The following LYSMD4 variants were observed in gnomAD, a reference collection of about 807,000 sequenced individuals.
The protein encoded by LYSMD4 is lysM and putative peptidoglycan-binding domain-containing protein 4.
In LYSMD4, 9 loss-of-function variants were observed where a neutral mutation model predicts 6.1. The ratio of observed to expected loss-of-function variants is 1.47; its 90% CI spans 0.88 to 2.56. The LOEUF (loss-of-function observed/expected upper bound fraction) is 2.56. Ranked by LOEUF, LYSMD4 falls within the 30% of genes most tolerant of loss-of-function variation. LYSMD4 has a pLI of 0.00. For missense variants in LYSMD4, 384 were observed against 373.5 expected (o/e 1.03, Z -0.23); for synonymous variants, 143 against 148.5 (o/e 0.96, Z 0.27).
upstream of LYSMD4, among the ~76,000 whole-genome samples, chr15:99,721,463 C>G (rs1470498481): frequency 6.6e-6 from 1 of 152,242 alleles, no homozygotes; most frequent in Admixed American, 6.5e-5. Flanking sequence ...TGGCACTTGA[C>G]AGGGGGAATG....
intron 1 of LYSMD4, among the ~76,000 whole-genome samples, chr15:99,732,585 A>G (rs2059445189): frequency 6.6e-6 from 1 of 152,234 alleles, no homozygotes; most frequent in African/African-American, 2.4e-5. Context: ...AAAAGCGTCC[A>G]GTTTGCTCAC....
rs1282278556 is a variant in LYSMD4, at chr15:99,729,117, C to G, written c.*6G>C. ...TAAAGCTGGGCCTAGTCTTTAAAAA[C>G]AAAGCTTAGCTCCCCGCTTGGGTGG... On this transcript the variant is annotated 3_prime_UTR_variant, in exon 3 of 3. Coordinates refer to ENST00000684762, the MANE Select transcript of LYSMD4 (RefSeq NM_001284417.2). The G allele has an allele frequency of 1.9e-6, 3 of 1,609,634 alleles. No individual in the cohort carries two copies. Among genetic ancestry groups the G allele is most frequent in the Non-Finnish European group, 2.6e-6 (3 of 1,176,218 alleles).
At position 99,731,744 on chromosome 15, in the gene LYSMD4, T is replaced by C. The variant is rs2059419539; in HGVS notation, c.256A>G (p.Lys86Glu). ...TTGCAGCCATACTGCAGCGCCAGCT[T>C]GTTGAGGCTGTCCTCCTGGGCCAGC... ...RELAQEDSLN[K>E]LALQYGCKVA... The change falls in exon 2 of 3, where the codon AAG becomes GAG. Residue 86 changes from lysine (K) to glutamate (E), a missense_variant. Physicochemically the swap from Lys to Glu is moderately conservative, Grantham distance 56 (BLOSUM62 1). Coordinates refer to ENST00000684762, the MANE Select transcript of LYSMD4 (RefSeq NM_001284417.2). 6.2e-7 allele frequency: 1 copy of C among 1,605,046 alleles called. No homozygotes were observed. The highest frequency in any genetic ancestry group is 1.3e-5 in the African/African-American group (1 of 74,754).
At chr15:99,730,953 C>T (rs1045374157) in intron 2 of LYSMD4, among the ~76,000 whole-genome samples, 2 of 152,190 alleles carry the variant, frequency 1.3e-5, no homozygotes, top group Non-Finnish European at 2.9e-5. Flanking sequence ...CGGAGACCAA[C>T]CTGTTTATTT....
At chr15:99,731,616 G>A (rs8032484) in intron 2 of LYSMD4, 102 bp downstream of exon 2, 175,363 of 1,521,414 alleles carry the variant, frequency 0.12, 10,613 homozygotes, top group Admixed American at 0.18. Flanking sequence ...CTCTCCTGAC[G>A]GCCTGGCAGG....
At chr15:99,722,327 G>A (rs533385559), upstream of LYSMD4, among the ~76,000 whole-genome samples, 3 of 152,202 alleles carry the variant, frequency 2.0e-5, no homozygotes, top group East Asian at 1.9e-4. Flanking sequence ...GAGCAGGGCC[G>A]AATGAGTGCT....
intron 1 of LYSMD4, chr15:99,733,008 C>T (rs1280494159): frequency 1.3e-5 from 3 of 227,560 alleles, no homozygotes; most frequent in South Asian, 1.8e-4. Context: ...AGCTCCAGGC[C>T]CGCTTCCCTC....
chr15:99,721,521 G>C (rs537326149), upstream of LYSMD4, among the ~76,000 whole-genome samples: 1 of 152,330 alleles, frequency 6.6e-6, no homozygotes, highest in South Asian at 2.1e-4. Context: ...CAGAGCAGCT[G>C]TTTCACAGTG....
intron 1 of LYSMD4, among the ~76,000 whole-genome samples, chr15:99,732,724 A>C (rs2059448450): frequency 6.6e-6 from 1 of 152,248 alleles, no homozygotes; most frequent in South Asian, 2.1e-4. Context: ...ACGAAATCTC[A>C]AACACGCGGG....
chr15:99,731,877 T>G lies in LYSMD4; in HGVS notation c.123A>C (p.Glu41Asp). The change falls in exon 2 of 3, where the codon GAA becomes GAC. Residue 41 changes from glutamate (E) to aspartate (D), a missense_variant. Glu to Asp is a conservative substitution (Grantham distance 45). Transcript: ENST00000684762. ...GCCGCAAAACCACACGGTGAGACTC[T>G]TCTTCAGAAGAGTCCCCCGAGTCCC... ...GSGDSGDSSE[E>D]ESHRVVLRPR... 1.2e-6 allele frequency: 2 copies of G among 1,613,594 alleles called. No individual in the cohort carries two copies. Among genetic ancestry groups the G allele is most frequent in the Non-Finnish European group, 1.7e-6 (2 of 1,180,014 alleles).
At chr15:99,726,168 TC>T (rs1555507908), downstream of LYSMD4, among the ~76,000 whole-genome samples, 6 of 146,144 alleles carry the variant, frequency 4.1e-5, no homozygotes, top group Admixed American at 6.9e-5. Context: ...TTTTTTTTTT[TC>T]CCGCCTGAGT....
exon 1 of LYSMD4, chr15:99,716,403 C>T (rs1168529714): frequency 2.5e-6 from 1 of 408,100 alleles, no homozygotes. Context: ...AACTTTTTAT[C>T]AAATGGTGAA....
downstream of LYSMD4, among the ~76,000 whole-genome samples, chr15:99,726,744 T>G (rs2059286573): frequency 6.6e-6 from 1 of 152,152 alleles, no homozygotes. Context: ...CCAAAAAGAC[T>G]GGAGACTAGA....
chr15:99,716,086 G>T (rs2059126965), exon 1 of LYSMD4: 1 of 157,316 alleles, frequency 6.4e-6, no homozygotes, highest in Admixed American at 6.2e-5. Flanking sequence ...ATTAGAATGT[G>T]AAAAAGATTT....
rs1343367213 is a variant in LYSMD4 at position 99,729,748 on chromosome 15, A to G, written c.283-17T>C. On this transcript the variant is annotated splice_polypyrimidine_tract_variant and intron_variant, in intron 2 of 2. Transcript: ENST00000684762. The stretch of plus-strand genomic sequence containing the variant: ...ATCTGCAACCTAGGAAGGCACGAAG[A>G]TAAACATCATAAAATATGCGGAGCT... 6 of 1,581,582 alleles carry G rather than the reference A, an allele frequency of 3.8e-6. No individual in the cohort carries two copies. Among genetic ancestry groups the G allele is most frequent in the Non-Finnish European group, 5.1e-6 (6 of 1,168,986 alleles).
chr15:99,729,719 T>C lies in LYSMD4; in HGVS notation c.295A>G (p.Lys99Glu). ...TCTCTGATGAAGTTGTTGACTTTCT[T>C]GATATCTGCAACCTAGGAAGGCACG... is the stretch of plus-strand genomic sequence containing the variant. ...LQYGCKVADI[K>E]KVNNFIREQD... Residue 99 changes from lysine (K) to glutamate (E), a missense_variant, in exon 3 of 3, where the codon AAG becomes GAG. Coordinates refer to ENST00000684762, the MANE Select transcript of LYSMD4 (RefSeq NM_001284417.2). The C allele has an allele frequency of 1.2e-6, 2 of 1,607,676 alleles. No individual in the cohort carries two copies. Among genetic ancestry groups the C allele is most frequent in the Non-Finnish European group, 1.7e-6 (2 of 1,177,916 alleles).
intron 1 of LYSMD4, chr15:99,733,136 G>C (rs1000577811): frequency 1.1e-5 from 4 of 369,854 alleles, no homozygotes; most frequent in African/African-American, 2.1e-5. Context: ...CCAGAGGGCA[G>C]AACCTCTGAC....
intron 2 of LYSMD4, 46 bp from the exon 3 acceptor site, chr15:99,729,777 T>C (rs140657653): frequency 1.0e-5 from 16 of 1,533,296 alleles, no homozygotes; most frequent in Non-Finnish European, 1.4e-5. Flanking sequence ...CGGAGCTCCT[T>C]AAAAATAACT....
At chr15:99,726,146 GTTTTTTTT>G (rs10637642), downstream of LYSMD4, among the ~76,000 whole-genome samples, 3 of 62,164 alleles carry the variant, frequency 4.8e-5, no homozygotes, top group African/African-American at 1.2e-4. Flanking sequence ...GTCTCAAGTG[GTTTTTTTT>G]TTTTTTTTTT....
Sources: allele counts gnomAD v4.1 joint callset (sites outside exome capture counted in the v4.1 genomes callset), GRCh38; gene constraint gnomAD v4.1.1; transcripts MANE v1.5; gene names NCBI Gene and HGNC (gene_info 2026-07-23, HGNC 2026-07-21).